NTRK3: variants seen among roughly 807,000 people sequenced by gnomAD.
The protein encoded by NTRK3 is neurotrophic receptor tyrosine kinase 3.
A neutral mutation model predicts 91.7 loss-of-function variants in NTRK3; 24 were observed. The ratio of observed to expected loss-of-function variants is 0.26; its 90% confidence interval spans 0.19 to 0.37. NTRK3 has a LOEUF of 0.37. Among genes scored for constraint, NTRK3 ranks in the 10% least tolerant of loss-of-function variants. NTRK3 has a pLI of 1.00. For synonymous variants in NTRK3, 483 were observed against 404.0 expected, an observed-to-expected ratio of 1.20 and a Z score of -2.34; for missense variants, 880 against 1,068.9, an observed-to-expected ratio of 0.82 and a Z score of 2.46.
At chr15:88,173,458 C>T (rs535596118) in intron 5 of NTRK3, among the ~76,000 whole-genome samples, 2 of 152,322 alleles carry the variant, frequency 1.3e-5, no homozygotes, top group East Asian at 1.9e-4. Flanking sequence ...ACTCCTGCAT[C>T]GACATATCAC....
chr15:87,883,325 A>G (rs2065355641), intron 17 of NTRK3, among the ~76,000 whole-genome samples: 1 of 148,616 alleles, frequency 6.7e-6, no homozygotes, highest in Admixed American at 6.7e-5. Flanking sequence ...GATGAAGTTT[A>G]TGCTCCAATT....
intron 13 of NTRK3, among the ~76,000 whole-genome samples, chr15:88,065,723 CTT>C (rs2046593622): frequency 1.3e-5 from 2 of 152,200 alleles, no homozygotes; most frequent in Admixed American, 1.3e-4. Flanking sequence ...GGGAACCTCT[CTT>C]ATGTACAAAC....
chr15:87,917,347 G>A (rs1216356184), intron 17 of NTRK3, among the ~76,000 whole-genome samples: 1 of 152,198 alleles, frequency 6.6e-6, no homozygotes, highest in African/African-American at 2.4e-5. Context: ...AGATGCACTG[G>A]AATAGAGTGA....
chr15:87,881,055 T>TA (rs1010478687), intron 17 of NTRK3, among the ~76,000 whole-genome samples: 4 of 152,196 alleles, frequency 2.6e-5, no homozygotes, highest in African/African-American at 9.7e-5. Flanking sequence ...GGAGAGTCTT[T>TA]AAAAATAGCC....
At chr15:88,138,255 A>G (rs935295612) in intron 6 of NTRK3, among the ~76,000 whole-genome samples, 1 of 146,490 alleles carries the variant, frequency 6.8e-6, no homozygotes, top group Non-Finnish European at 1.5e-5. Context: ...ATACAAAAAC[A>G]AAAAATTAGC....
chr15:87,864,369 A>G, exon 19 of NTRK3: 1 of 231,452 alleles, frequency 4.3e-6, no homozygotes, highest in Non-Finnish European at 8.6e-6. Flanking sequence ...AAGAAAGGCT[A>G]AACTCTCAGA....
chr15:88,128,402 G>A (rs948450442), intron 11 of NTRK3, among the ~76,000 whole-genome samples: 1 of 152,220 alleles, frequency 6.6e-6, no homozygotes. Context: ...GGTCTATTGA[G>A]GCACATGAAA....
chr15:87,933,007 C>T lies in NTRK3; in HGVS notation c.1889+5G>A, dbSNP rs376128818. ...CAGGTGCAGGGGAAGACAATCCTTG[C>T]TTACCTGAGGAACTTATTCAGGTCT... On this transcript the variant is annotated splice_donor_5th_base_variant and intron_variant, in intron 16 of 18. Transcript: ENST00000394480. 26 of 1,613,896 alleles carry T rather than the reference C, an allele frequency of 1.6e-5. No individual in the cohort carries two copies. The African/African-American group carries it at 3.3e-4, about 21-fold the overall frequency.
chr15:88,102,705 A>G (rs1385284389), intron 13 of NTRK3, among the ~76,000 whole-genome samples: 1 of 152,196 alleles, frequency 6.6e-6, no homozygotes, highest in Non-Finnish European at 1.5e-5. Context: ...TCCCAAAAGA[A>G]TGTGCCATCC....
intron 14 of NTRK3, among the ~76,000 whole-genome samples, chr15:87,961,134 T>A (rs2072245539): frequency 6.6e-6 from 1 of 152,160 alleles, no homozygotes; most frequent in Admixed American, 6.5e-5. Context: ...CTCACTTATC[T>A]CGACAGACAT....
intron 6 of NTRK3, among the ~76,000 whole-genome samples, chr15:88,142,393 G>T (rs1460987952): frequency 5.9e-5 from 9 of 152,266 alleles, no homozygotes; most frequent in Non-Finnish European, 1.5e-5. Flanking sequence ...GCAGGGCTCT[G>T]ATGGCTCCCC....
chr15:87,915,172 A>G (rs1162764988), intron 17 of NTRK3, among the ~76,000 whole-genome samples: 1 of 152,232 alleles, frequency 6.6e-6, no homozygotes, highest in Non-Finnish European at 1.5e-5. Flanking sequence ...GAACTTGCAC[A>G]TCCATTATGC....
At chr15:88,230,088 C>A (rs557320330) in intron 3 of NTRK3, among the ~76,000 whole-genome samples, 1 of 152,328 alleles carries the variant, frequency 6.6e-6, no homozygotes, top group East Asian at 1.9e-4. Flanking sequence ...TGACCTTGGC[C>A]ATGTGACCTC....
At chr15:87,871,898 T>C (rs868212841) in exon 19 of NTRK3, 1 of 220,542 alleles carries the variant, frequency 4.5e-6, no homozygotes, top group Non-Finnish European at 9.1e-6. Context: ...CAAGCCCATA[T>C]TGATGTCTTA....
In NTRK3 at chr15:88,221,596, G is replaced by A. The variant is rs1446780506; in HGVS notation, c.248+34310C>T. Among the ~76,000 whole-genome samples the A allele has an allele frequency of 3.3e-5, 5 of 152,148 alleles. No individual in the cohort carries two copies. In the East Asian group the frequency reaches 9.6e-4, roughly 29 times the overall value. Reference sequence around the variant, plus strand: ...CCTTGAGCCCAGGAGTTTGAGACCAGCCTGGGCAACATGGTGGAACCTCAT... The same window carrying A: ...CCTTGAGCCCAGGAGTTTGAGACCAACCTGGGCAACATGGTGGAACCTCAT... On this transcript the variant is annotated intron_variant, in intron 3 of 18. Transcript: ENST00000394480.
chr15:88,040,422 T>A (rs961799722), intron 13 of NTRK3, among the ~76,000 whole-genome samples: 2 of 152,178 alleles, frequency 1.3e-5, no homozygotes, highest in East Asian at 3.9e-4. Context: ...TCAGGGTTCA[T>A]AATGCAGAAA....
At chr15:87,907,944 C>T (rs1421678288) in intron 17 of NTRK3, among the ~76,000 whole-genome samples, 1 of 152,134 alleles carries the variant, frequency 6.6e-6, no homozygotes, top group Non-Finnish European at 1.5e-5. Flanking sequence ...CTGTAGTGAC[C>T]ATCCTGAGCA....
intron 13 of NTRK3, among the ~76,000 whole-genome samples, chr15:88,034,932 CAG>C (rs2078937645): frequency 6.6e-6 from 1 of 152,092 alleles, no homozygotes; most frequent in Admixed American, 6.5e-5. Flanking sequence ...TCCAGTTAAA[CAG>C]GGAAAACTAA....
intron 13 of NTRK3, among the ~76,000 whole-genome samples, chr15:88,048,544 G>A (rs2142249138): frequency 6.6e-6 from 1 of 152,242 alleles, no homozygotes; most frequent in East Asian, 1.9e-4. Flanking sequence ...TAACTGGAGA[G>A]CCTGGAGGCT....
Sources: gnomAD v4.1 joint callset for allele counts (sites outside exome capture counted in the v4.1 genomes callset) on GRCh38, gnomAD v4.1.1 for gene constraint, MANE v1.5 for transcripts, NCBI Gene and HGNC (gene_info 2026-07-23, HGNC 2026-07-21) for gene names.